Variants in ATP10A observed in about 807,000 individuals in gnomAD.
ATP10A encodes phospholipid-transporting ATPase VA.
ATP10A carries 111 observed loss-of-function variants against 147.8 expected under a neutral mutation model. That is an observed-to-expected ratio of 0.75 (90% CI 0.64 to 0.88). ATP10A has a LOEUF of 0.88. Among genes scored for constraint, ATP10A ranks in the 40% least tolerant of loss-of-function variants. The pLI, the probability that ATP10A is intolerant of heterozygous loss-of-function variation, is 0.00. For synonymous variants in ATP10A, 875 were observed against 841.6 expected (o/e 1.04, Z -0.69); for missense variants, 1,927 against 1,959.0 (o/e 0.98, Z 0.31).
chr15:25,861,647 C>T (rs1237695655), intron 1 of ATP10A: 1 of 152,370 alleles, frequency 6.6e-6, no homozygotes, highest in African/African-American at 2.4e-5. Flanking sequence ...CCTAGAGTCT[C>T]CCCATGCATA....
intron 14 of ATP10A, 109 bp from the exon 15 acceptor site, chr15:25,691,900 G>A (rs1192363782): frequency 2.3e-6 from 3 of 1,282,708 alleles, no homozygotes; most frequent in Admixed American, 1.7e-5. Context: ...TCCTGTGAAA[G>A]CGTCCTGGGG....
intron 1 of ATP10A, among the ~76,000 whole-genome samples, chr15:25,805,250 G>A (rs1483498817): frequency 6.6e-6 from 1 of 152,218 alleles, no homozygotes; most frequent in Non-Finnish European, 1.5e-5. Flanking sequence ...AGCCCACGCT[G>A]GTCTGTGGCA....
chr15:25,752,524 G>A (rs1004427292), intron 2 of ATP10A, among the ~76,000 whole-genome samples: 1 of 152,124 alleles, frequency 6.6e-6, no homozygotes, highest in Admixed American at 6.6e-5. Flanking sequence ...TGGTCAAAGG[G>A]TACAACATCT....
chr15:25,849,610 A>C (rs1292373108), intron 1 of ATP10A, among the ~76,000 whole-genome samples: 3 of 152,140 alleles, frequency 2.0e-5, no homozygotes, highest in Non-Finnish European at 4.4e-5. Flanking sequence ...AAAAAGAGAA[A>C]AGACCAGAAA....
chr15:25,733,854 C>T (rs796473751), intron 3 of ATP10A, among the ~76,000 whole-genome samples: 3 of 152,358 alleles, frequency 2.0e-5, no homozygotes, highest in African/African-American at 4.8e-5. Context: ...CTTCTCATGT[C>T]CCTTTCTCGG....
chr15:25,735,735 G>A (rs1363196012), intron 3 of ATP10A, among the ~76,000 whole-genome samples: 4 of 152,086 alleles, frequency 2.6e-5, no homozygotes, highest in South Asian at 4.2e-4. Flanking sequence ...CCACGTTAAC[G>A]GGGCCATGTG....
chr15:25,863,050 C>G lies in ATP10A; in HGVS notation c.47G>C (p.Arg16Pro). The G allele has an allele frequency of 8.0e-7, 1 of 1,256,516 alleles. No individual in the cohort carries two copies. The allele number at this position is 1,256,516 out of a possible 1,614,324, so 77.8% of individuals were successfully genotyped here. ...CGTCCTGCCCTCTCGGCGCCTCCGC[C>G]GTCCCGGAGGCCCGGGCTCCTCGGT... ...AGTEEPGPPG[R>P]RRRREGRTRT... The change falls in exon 1 of 21, where the codon CGG becomes CCG. Residue 16 changes from arginine (R) to proline (P), a missense_variant. Transcript: ENST00000555815.
chr15:25,764,978 G>A (rs561614623), intron 2 of ATP10A, among the ~76,000 whole-genome samples: 3 of 152,304 alleles, frequency 2.0e-5, no homozygotes, highest in South Asian at 4.1e-4. Context: ...TAAACCTCCC[G>A]GCTGAAGCGT....
chr15:25,793,611 C>T (rs1360174926), intron 1 of ATP10A, among the ~76,000 whole-genome samples: 1 of 152,234 alleles, frequency 6.6e-6, no homozygotes, highest in Admixed American at 6.5e-5. Flanking sequence ...TCCCTGGCAG[C>T]CAGGACCCTG....
At chr15:25,756,890 T>C (rs1304900662) in intron 2 of ATP10A, among the ~76,000 whole-genome samples, 2 of 152,194 alleles carry the variant, frequency 1.3e-5, no homozygotes, top group African/African-American at 2.4e-5. Flanking sequence ...GTTGTAAAAA[T>C]GGTTCACAGG....
chr15:25,785,458 AC>A (rs1567382521), intron 1 of ATP10A, among the ~76,000 whole-genome samples: 2 of 152,032 alleles, frequency 1.3e-5, no homozygotes, highest in Non-Finnish European at 2.9e-5. Flanking sequence ...TGTTGAAGTC[AC>A]CCCATCTGTG....
rs1317555610 is a variant in ATP10A at position 25,687,842 on chromosome 15, G to A, written c.3166-14C>T. On this transcript the variant is annotated splice_polypyrimidine_tract_variant and intron_variant, in intron 15 of 20. Transcript: ENST00000555815. ...GGCCATCACTGCCTTCAAAGGGAGA[G>A]GGATTCCTGTTACTGGTGATGCCGA... is the stretch of plus-strand genomic sequence containing the variant. 6.2e-7 allele frequency: 1 copy of A among 1,613,802 alleles called. No individual in the cohort carries two copies. Among genetic ancestry groups the A allele is most frequent in the African/African-American group, 1.3e-5 (1 of 75,028 alleles).
At chr15:25,805,418 AATGT>A (rs1419708392) in intron 1 of ATP10A, among the ~76,000 whole-genome samples, 2 of 152,214 alleles carry the variant, frequency 1.3e-5, no homozygotes, top group Non-Finnish European at 2.9e-5. Context: ...AGCACTTAGC[AATGT>A]ATGTACCCAC....
At chr15:25,713,619 T>C in intron 10 of ATP10A, 55 bp downstream of exon 10, 1 of 1,533,282 alleles carries the variant, frequency 6.5e-7, no homozygotes, top group Non-Finnish European at 8.9e-7. Context: ...GGTGGGGATA[T>C]TTCTCAGGAC....
intron 4 of ATP10A, among the ~76,000 whole-genome samples, chr15:25,726,880 T>A (rs376091648): frequency 2.2e-5 from 3 of 134,848 alleles, no homozygotes; most frequent in South Asian, 5.2e-4. Flanking sequence ...TGAAATCCCG[T>A]ATCTACTAAA....
intron 10 of ATP10A, among the ~76,000 whole-genome samples, chr15:25,711,219 C>T (rs1332623237): frequency 6.6e-6 from 1 of 152,108 alleles, no homozygotes; most frequent in Non-Finnish European, 1.5e-5. Context: ...ACTCGGGCCT[C>T]TTCTGGTGAA....
chr15:25,698,078 T>C (rs1368468129), intron 13 of ATP10A, among the ~76,000 whole-genome samples: 1 of 152,184 alleles, frequency 6.6e-6, no homozygotes, highest in Non-Finnish European at 1.5e-5. Flanking sequence ...TAATGTAGTG[T>C]TCTGGATGGG....
rs1166492846 is a variant in ATP10A at position 25,714,089 on chromosome 15, G to C, written c.1929C>G (p.Ser643=). 1.2e-6 allele frequency: 2 copies of C among 1,613,382 alleles called. No individual in the cohort carries two copies. The highest frequency in any genetic ancestry group is 1.7e-6 in the Non-Finnish European group (2 of 1,180,038). The change falls in exon 10 of 21, where the codon TCC becomes TCG. Residue 643 remains serine (S), a synonymous_variant. Transcript: ENST00000555815. ...SSHKLGSSFP[S]TPSSDGMLLR... is the part of the protein sequence containing the mutation. ...GAAGCATGCCGTCGCTGGACGGGGT[G>C]GACGGGAAGCTGGAGCCCAACTTGT...
chr15:25,736,164 T>A, intron 2 of ATP10A, 23 bp from the exon 3 acceptor site: 1 of 1,603,282 alleles, frequency 6.2e-7, no homozygotes, highest in Non-Finnish European at 8.5e-7. Flanking sequence ...CACGTAGACA[T>A]TAGAGAAATC....
Sources: allele counts gnomAD v4.1 joint callset (sites outside exome capture counted in the v4.1 genomes callset), GRCh38; gene constraint gnomAD v4.1.1; transcripts MANE v1.5; gene names NCBI Gene and HGNC (gene_info 2026-07-23, HGNC 2026-07-21).